Variants in SLC44A5 observed in about 807,000 individuals in gnomAD.
SLC44A5 encodes the protein choline transporter-like protein 5.
A neutral mutation model predicts 101.8 loss-of-function variants in SLC44A5; 57 were observed. The observed-to-expected ratio is 0.56, with a 90% confidence interval of 0.45 to 0.70. SLC44A5 has a LOEUF of 0.70. SLC44A5 is among the 30% of genes least tolerant of loss of function. SLC44A5 has a pLI of 0.00. For missense variants in SLC44A5, 737 were observed against 853.1 expected (o/e 0.86, Z 1.70); for synonymous variants, 281 against 290.9 (o/e 0.97, Z 0.35).
chr1:75,262,317 G>T (rs767297178), intron 6 of SLC44A5, among the ~76,000 whole-genome samples: 18 of 152,030 alleles, frequency 1.2e-4, no homozygotes, highest in Non-Finnish European at 2.4e-4. Context: ...TGTGCAAAAA[G>T]CACAAGCATT....
At chr1:75,458,360 A>G (rs1666306529) in intron 2 of SLC44A5, among the ~76,000 whole-genome samples, 1 of 152,200 alleles carries the variant, frequency 6.6e-6, no homozygotes, top group Non-Finnish European at 1.5e-5. Context: ...AGGGGAATTA[A>G]CATCCTGCTA....
the SLC44A5 span, among the ~76,000 whole-genome samples, chr1:75,703,661 T>TAA: frequency 2.0e-5 from 3 of 146,504 alleles, no homozygotes; most frequent in East Asian, 2.1e-4. Flanking sequence ...TAAAGTATAA[T>TAA]AAAAAAAAAA....
chr1:75,338,079 T>C (rs932037999), intron 4 of SLC44A5, among the ~76,000 whole-genome samples: 1 of 152,192 alleles, frequency 6.6e-6, no homozygotes, highest in African/African-American at 2.4e-5. Flanking sequence ...TATGTCTTCC[T>C]GTATTTATGC....
At chr1:75,651,526 C>T in the SLC44A5 span, among the ~76,000 whole-genome samples, 4 of 151,816 alleles carry the variant, frequency 2.6e-5, no homozygotes, top group Non-Finnish European at 5.9e-5. Context: ...GAAACCTCCT[C>T]TCTACTAAAA....
At chr1:75,308,842 A>G (rs1183435363) in intron 4 of SLC44A5, among the ~76,000 whole-genome samples, 1 of 152,252 alleles carries the variant, frequency 6.6e-6, no homozygotes, top group African/African-American at 2.4e-5. Flanking sequence ...CTATTAAAAT[A>G]GAAAACTGCA....
At chr1:75,459,493 C>G (rs539671519) in intron 2 of SLC44A5, among the ~76,000 whole-genome samples, 15 of 152,132 alleles carry the variant, frequency 9.9e-5, no homozygotes, top group Admixed American at 2.6e-4. Context: ...TTCCCAGCAC[C>G]TGACAACCAC....
intron 6 of SLC44A5, among the ~76,000 whole-genome samples, chr1:75,264,850 A>C (rs1480432594): frequency 6.6e-6 from 1 of 152,132 alleles, no homozygotes; most frequent in Non-Finnish European, 1.5e-5. Flanking sequence ...ATTGAAAAAA[A>C]TAAAACTGAT....
At position 75,472,083 on chromosome 1, in the gene SLC44A5, TAA is replaced by T. The variant is rs11284319; in HGVS notation, c.13+69350_13+69351del. Among the ~76,000 whole-genome samples the T allele has an allele frequency of 3.3e-3, 471 of 141,216 alleles. 2 individuals carry two copies. Among genetic ancestry groups the T allele is most frequent in the East Asian group, 0.018 (86 of 4,852 alleles). The allele number at this position is 141,216 out of a possible 152,430, so 92.6% of individuals were successfully genotyped here. On this transcript the variant is annotated intron_variant, in intron 2 of 23. Transcript: ENST00000370859. Reference sequence around the variant, plus strand: ...TAGGCAGAGCATATCCCCCTGGGTTTAAAAAAAAAAAAAAAACTACTGGGGCC... The same window carrying T: ...TAGGCAGAGCATATCCCCCTGGGTTTAAAAAAAAAAAAAACTACTGGGGCC...
intron 3 of SLC44A5, among the ~76,000 whole-genome samples, chr1:75,364,489 C>T (rs967110801): frequency 1.3e-5 from 2 of 152,108 alleles, no homozygotes; most frequent in Non-Finnish European, 2.9e-5. Flanking sequence ...AAACCATTCA[C>T]GAGATATGCC....
Position 75,545,665 on chromosome 1 carries a change from A to C in SLC44A5, c.-69-4149T>G, listed in dbSNP as rs137954989. 2.1e-4 allele frequency among the ~76,000 whole-genome samples: 32 copies of C among 152,240 alleles called. 1 individual carries two copies. In the East Asian group the frequency reaches 6.0e-3, roughly 29 times the overall value. ...TAATTAATAAGTAACCTCCAGGGAGATACTTTGATGAAATGTAAATATCCT... is the reference window on the plus strand; with the variant it reads ...TAATTAATAAGTAACCTCCAGGGAGCTACTTTGATGAAATGTAAATATCCT... On this transcript the variant is annotated intron_variant, in intron 1 of 23. Transcript: ENST00000370859.
In SLC44A5 at chr1:75,280,424, ATT is replaced by A. The variant is rs374336201; in HGVS notation, c.176-5384_176-5383del. ...TATATATTGTATATATAATATATAT[ATT>A]GTATATATTATATATAGTATATATT... On this transcript the variant is annotated intron_variant, in intron 5 of 23. Transcript: ENST00000370859. Among the ~76,000 whole-genome samples, 529 of 101,020 alleles carry A rather than the reference ATT, an allele frequency of 5.2e-3. 5 individuals are homozygous for A. The highest frequency in any genetic ancestry group is 7.3e-3 in the Admixed American group (55 of 7,536). 66.3% of individuals were successfully genotyped at this position (101,020 alleles called of 152,430 possible). A position where few individuals can be genotyped will look rare whatever the true frequency, so the allele number is the denominator to read the frequency against.
chr1:75,293,346 C>T (rs1218407782), intron 5 of SLC44A5, among the ~76,000 whole-genome samples: 1 of 152,144 alleles, frequency 6.6e-6, no homozygotes, highest in African/African-American at 2.4e-5. Flanking sequence ...AGCCCTCTGT[C>T]AAGGAGAAAA....
intron 1 of SLC44A5, among the ~76,000 whole-genome samples, chr1:75,590,313 GGCCAGAA>G (rs2102105059): frequency 6.6e-6 from 1 of 152,068 alleles, no homozygotes; most frequent in African/African-American, 2.4e-5. Context: ...ACATACCCTG[GGCCAGAA>G]GGTAATCTGC....
chr1:75,356,574 GTTAAT>G (rs753330315), intron 3 of SLC44A5, among the ~76,000 whole-genome samples: 7 of 151,878 alleles, frequency 4.6e-5, no homozygotes, highest in Non-Finnish European at 1.0e-4. Flanking sequence ...GAAAGTTAAG[GTTAAT>G]TTATTATATA....
intron 4 of SLC44A5, among the ~76,000 whole-genome samples, chr1:75,309,630 T>C (rs572824453): frequency 7.9e-5 from 12 of 151,898 alleles, no homozygotes; most frequent in Admixed American, 1.3e-4. Flanking sequence ...GAATGGGAGG[T>C]TTGCACAGAT....
the SLC44A5 span, among the ~76,000 whole-genome samples, chr1:75,624,757 T>C: frequency 6.6e-6 from 1 of 152,142 alleles, no homozygotes; most frequent in Non-Finnish European, 1.5e-5. Flanking sequence ...CAATATCTTC[T>C]CTCTGAACCT....
intron 3 of SLC44A5, among the ~76,000 whole-genome samples, chr1:75,357,793 G>T (rs1282888012): frequency 3.9e-5 from 6 of 152,130 alleles, no homozygotes; most frequent in Admixed American, 3.9e-4. Context: ...ACTCAAATCA[G>T]CTAGTTTTCT....
intron 2 of SLC44A5, among the ~76,000 whole-genome samples, chr1:75,531,743 G>T (rs903759303): frequency 3.9e-5 from 6 of 152,120 alleles, no homozygotes; most frequent in Non-Finnish European, 7.3e-5. Flanking sequence ...CTTTCATTAT[G>T]TCACTTTGCT....
chr1:75,594,857 T>A (rs969643113), intron 1 of SLC44A5, among the ~76,000 whole-genome samples: 1 of 151,798 alleles, frequency 6.6e-6, no homozygotes, highest in Non-Finnish European at 1.5e-5. Flanking sequence ...ATAAAGTCAA[T>A]ATTTATTTTT....
Sources: gnomAD v4.1 joint callset for allele counts (sites outside exome capture counted in the v4.1 genomes callset) on GRCh38, gnomAD v4.1.1 for gene constraint, MANE v1.5 for transcripts, NCBI Gene and HGNC (gene_info 2026-07-23, HGNC 2026-07-21) for gene names.